Variants in FEM1B observed in about 807,000 individuals in gnomAD.
FEM1B encodes the protein protein fem-1 homolog B.
In FEM1B, 10 loss-of-function variants were observed where a neutral mutation model predicts 38.6. That is an observed-to-expected ratio of 0.26 (90% CI 0.16 to 0.44). FEM1B has a LOEUF of 0.44. Among genes scored for constraint, FEM1B ranks in the 20% least tolerant of loss-of-function variants. The pLI is 1.00. For synonymous variants in FEM1B, 288 were observed against 288.0 expected (o/e 1.00, Z 0.00); for missense variants, 471 against 786.7 (o/e 0.60, Z 4.80).
intron 1 of FEM1B, among the ~76,000 whole-genome samples, chr15:68,283,051 CTG>C (rs563037645): frequency 6.6e-6 from 1 of 152,016 alleles, no homozygotes. Flanking sequence ...TGTCAAATGA[CTG>C]TAGCTCAAGG....
intron 1 of FEM1B, among the ~76,000 whole-genome samples, chr15:68,287,577 G>T (rs1892803082): frequency 6.6e-6 from 1 of 152,168 alleles, no homozygotes; most frequent in Non-Finnish European, 1.5e-5. Context: ...GTTTTTTGTG[G>T]TGATGTTAAC....
At chr15:68,283,335 T>G (rs1892747910) in intron 1 of FEM1B, among the ~76,000 whole-genome samples, 1 of 151,952 alleles carries the variant, frequency 6.6e-6, no homozygotes, top group Admixed American at 6.6e-5. Flanking sequence ...TGAAGTAGTT[T>G]AGATTCCTGT....
At chr15:68,286,146 T>A (rs1035387548) in intron 1 of FEM1B, among the ~76,000 whole-genome samples, 1 of 152,024 alleles carries the variant, frequency 6.6e-6, no homozygotes, top group Non-Finnish European at 1.5e-5. Context: ...AAGACCATGT[T>A]TTCTACCTGA....
rs1319426756 is a variant in FEM1B at position 68,294,505 on chromosome 15, C to G, written c.*3263C>G. 6.6e-6 allele frequency: 1 copy of G among 152,064 alleles called. No individual in the cohort carries two copies. The highest frequency in any genetic ancestry group is 1.5e-5 in the Non-Finnish European group (1 of 68,008). The allele number at this position is 152,064 out of a possible 1,614,324, so 9.4% of individuals were successfully genotyped here. On this transcript the variant is annotated 3_prime_UTR_variant, in exon 2 of 2. Transcript: ENST00000306917. This position sits in a 1 kb window ranked among gnomAD's most constrained non-coding sequence, Gnocchi z 4.4. ...TTTGAAAATTAAAATTTCAAGTGAG[C>G]AACACCCTGTTAAGAGTTTTCACTA...
Position 68,288,410 on chromosome 15 carries a change from A to G in FEM1B, c.249-1197A>G, listed in dbSNP as rs557366042. ...GCCCTAGTGAATATTCCTTTGATCAACCTTTCTTCTTAACACTTCCAAATG... is the reference window on the plus strand; with the variant it reads ...GCCCTAGTGAATATTCCTTTGATCAGCCTTTCTTCTTAACACTTCCAAATG... On this transcript the variant is annotated intron_variant, in intron 1 of 1. Coordinates refer to ENST00000306917, the MANE Select transcript of FEM1B (RefSeq NM_015322.5). The surrounding 1 kb of genome is among the most constrained non-coding windows in gnomAD (Gnocchi z 4.6). 4.7e-4 allele frequency among the ~76,000 whole-genome samples: 71 copies of G among 152,246 alleles called. No individual in the cohort carries two copies. The South Asian group carries it at 6.8e-3, about 15-fold the overall frequency.
chr15:68,290,321 A>C lies in FEM1B; in HGVS notation c.963A>C (p.Arg321Ser), dbSNP rs1892833341. 1 of 1,614,146 alleles carries C rather than the reference A, an allele frequency of 6.2e-7. No homozygotes were observed. Among genetic ancestry groups the C allele is most frequent in the Non-Finnish European group, 8.5e-7 (1 of 1,180,004 alleles). Residue 321 changes from arginine to serine, a missense_variant, in exon 2 of 2, where the codon AGA (arginine) becomes AGC (serine). Physicochemically the swap from Arg to Ser is moderately radical, Grantham distance 110. This residue lies in a region of FEM1B where 380 missense variants were observed against 599.6 expected (regional missense o/e 0.63). Coordinates refer to ENST00000306917, the MANE Select transcript of FEM1B (RefSeq NM_015322.5). This position sits in a 1 kb window ranked among gnomAD's most constrained non-coding sequence, Gnocchi z 9.7. ...PQELESIRQD[R>S]DALHMEGLIV... is the part of the protein sequence containing the mutation. Reference sequence around the variant, plus strand: ...AACTGGAGTCCATTCGGCAAGACAGAGATGCTCTTCATATGGAAGGCCTTA... The same window carrying C: ...AACTGGAGTCCATTCGGCAAGACAGCGATGCTCTTCATATGGAAGGCCTTA...
In FEM1B at chr15:68,290,071, T is replaced by TA; in HGVS notation, c.714dup (p.Leu239ThrfsTer5). The TA allele has an allele frequency of 1.2e-6, 2 of 1,614,242 alleles. No individual in the cohort carries two copies. The highest frequency in any genetic ancestry group is 2.2e-5 in the East Asian group (1 of 44,888). ...TGTAAAGCTGATGTCGTAGAACTGT[T>TA]ACTCTCTCATGCTGATTGCGACCGA... On this transcript the variant is annotated frameshift_variant, in exon 2 of 2. Transcript: ENST00000306917. LOFTEE classifies it high-confidence loss of function. The surrounding 1 kb of genome is among the most constrained non-coding windows in gnomAD (Gnocchi z 9.7).
In FEM1B at chr15:68,288,831, G is replaced by A. The variant is rs747596297; in HGVS notation, c.249-776G>A. On this transcript the variant is annotated intron_variant, in intron 1 of 1. Coordinates refer to ENST00000306917, the MANE Select transcript of FEM1B (RefSeq NM_015322.5). This position sits in a 1 kb window ranked among gnomAD's most constrained non-coding sequence, Gnocchi z 4.6. The stretch of plus-strand genomic sequence containing the variant: ...AAATTGGAGCATAACGTAACTTAGA[G>A]AAAAATGCACTAATTATAAATATAT... Among the ~76,000 whole-genome samples the A allele has an allele frequency of 6.6e-6, 1 of 152,228 alleles. No homozygotes were observed. Among genetic ancestry groups the A allele is most frequent in the Admixed American group, 6.5e-5 (1 of 15,296 alleles).
rs1892886195 is a variant in FEM1B, at chr15:68,294,790, CTGTT to C, written c.*3550_*3553del. ...ATGTGTTGATGCACACATGACTATT[CTGTT>C]TTTCTCACTGACTATATAACATTAA... On this transcript the variant is annotated 3_prime_UTR_variant, in exon 2 of 2. Transcript: ENST00000306917. This position sits in a 1 kb window ranked among gnomAD's most constrained non-coding sequence, Gnocchi z 4.4. 6.6e-6 allele frequency: 1 copy of C among 151,930 alleles called. No homozygotes were observed. Among genetic ancestry groups the C allele is most frequent in the African/African-American group, 2.4e-5 (1 of 41,432 alleles). 9.4% of individuals were successfully genotyped at this position (151,930 alleles called of 1,614,324 possible).
In FEM1B at chr15:68,282,288, A is replaced by G. The variant is rs560595988; in HGVS notation, c.248+3623A>G. 6.6e-4 allele frequency among the ~76,000 whole-genome samples: 101 copies of G among 152,104 alleles called. 1 individual carries two copies. The highest frequency in any genetic ancestry group is 2.3e-3 in the African/African-American group (95 of 41,492). ...TTCTTTTAAAGTCAGTGCTAGTACT[A>G]ATACTTCTGATAAATGTTGAGGCGG... On this transcript the variant is annotated intron_variant, in intron 1 of 1. Coordinates refer to ENST00000306917, the MANE Select transcript of FEM1B (RefSeq NM_015322.5).
In FEM1B at chr15:68,284,217, A is replaced by G. The variant is rs1892759080; in HGVS notation, c.249-5390A>G. ...AAACTTTTTAGTTATTTATCTGCAT[A>G]ATAGTTAATATTATAACTATAATAT... On this transcript the variant is annotated intron_variant, in intron 1 of 1. Transcript: ENST00000306917. The surrounding 1 kb of genome is among the most constrained non-coding windows in gnomAD (Gnocchi z 4.4). Among the ~76,000 whole-genome samples the G allele has an allele frequency of 6.6e-6, 1 of 152,074 alleles. No individual in the cohort carries two copies. The highest frequency in any genetic ancestry group is 6.6e-5 in the Admixed American group (1 of 15,264).
chr15:68,293,971 A>C lies in FEM1B; in HGVS notation c.*2729A>C, dbSNP rs1038488582. 1 of 152,170 alleles carries C rather than the reference A, an allele frequency of 6.6e-6. No homozygotes were observed. The highest frequency in any genetic ancestry group is 2.4e-5 in the African/African-American group (1 of 41,440). The allele number at this position is 152,170 out of a possible 1,614,324, so 9.4% of individuals were successfully genotyped here. ...CTTCATTGATGGTATTACAGATTCA[A>C]CCAAAACTTCTCTGTCCTGTTCAGT... On this transcript the variant is annotated 3_prime_UTR_variant, in exon 2 of 2. Transcript: ENST00000306917. This position sits in a 1 kb window ranked among gnomAD's most constrained non-coding sequence, Gnocchi z 5.8.
intron 1 of FEM1B, among the ~76,000 whole-genome samples, chr15:68,285,230 C>T (rs948479392): frequency 2.6e-5 from 4 of 151,920 alleles, no homozygotes; most frequent in South Asian, 2.1e-4. Context: ...TGTGGTATTC[C>T]GTTGCATAAA....
chr15:68,286,739 AT>A (rs1287487286), intron 1 of FEM1B, among the ~76,000 whole-genome samples: 3 of 152,246 alleles, frequency 2.0e-5, no homozygotes, highest in Non-Finnish European at 4.4e-5. Context: ...TGCAAGTGTT[AT>A]TTTTTGACAA....
Position 68,278,262 on chromosome 15 carries a change from C to T in FEM1B, c.-156C>T. ...GGCCTCCTCTGCGTCTCCGCCTTCC[C>T]TGGGCCGCACTGCTGCCTGGGCGCG... On this transcript the variant is annotated 5_prime_UTR_variant, in exon 1 of 2. Coordinates refer to ENST00000306917, the MANE Select transcript of FEM1B (RefSeq NM_015322.5). The surrounding 1 kb of genome is among the most constrained non-coding windows in gnomAD (Gnocchi z 5.7). 2.0e-6 allele frequency: 2 copies of T among 997,874 alleles called. No individual in the cohort carries two copies. Among genetic ancestry groups the T allele is most frequent in the Non-Finnish European group, 2.9e-6 (2 of 699,546 alleles). The allele number at this position is 997,874 out of a possible 1,614,324, so 61.8% of individuals were successfully genotyped here. A position where few individuals can be genotyped will look rare whatever the true frequency, so the allele number is the denominator to read the frequency against.
chr15:68,291,851 T>A lies in FEM1B; in HGVS notation c.*609T>A. The A allele has an allele frequency of 2.0e-5, 3 of 152,388 alleles. No individual in the cohort carries two copies. The highest frequency in any genetic ancestry group is 7.2e-5 in the African/African-American group (3 of 41,584). The allele number at this position is 152,388 out of a possible 1,614,324, so 9.4% of individuals were successfully genotyped here. On this transcript the variant is annotated 3_prime_UTR_variant, in exon 2 of 2. Transcript: ENST00000306917. This position sits in a 1 kb window ranked among gnomAD's most constrained non-coding sequence, Gnocchi z 6.9. ...TAATAATAGTTACAAATTTATAAATTTAAATCCATTTGAAATTGTTGCATT... is the reference window on the plus strand; with the variant it reads ...TAATAATAGTTACAAATTTATAAATATAAATCCATTTGAAATTGTTGCATT...
rs1239930688 is a variant in FEM1B at position 68,291,436 on chromosome 15, C to T, written c.*194C>T. 5.6e-6 allele frequency: 3 copies of T among 531,192 alleles called. No homozygotes were observed. Among genetic ancestry groups the T allele is most frequent in the Non-Finnish European group, 9.9e-6 (3 of 304,468 alleles). The allele number at this position is 531,192 out of a possible 1,614,324, so 32.9% of individuals were successfully genotyped here. ...TTTCAGACAGACTTTAACAAAACCA[C>T]ATTGTTTTGGTGTAACTATAAGGTA... On this transcript the variant is annotated 3_prime_UTR_variant, in exon 2 of 2. Transcript: ENST00000306917. The surrounding 1 kb of genome is among the most constrained non-coding windows in gnomAD (Gnocchi z 6.9).
intron 1 of FEM1B, among the ~76,000 whole-genome samples, chr15:68,282,337 A>G (rs1186419760): frequency 6.6e-6 from 1 of 152,232 alleles, no homozygotes; most frequent in Non-Finnish European, 1.5e-5. Flanking sequence ...GGGGCATGCC[A>G]GTATTTGACT....
rs1892879225 is a variant in FEM1B at position 68,294,239 on chromosome 15, A to G, written c.*2997A>G. On this transcript the variant is annotated 3_prime_UTR_variant, in exon 2 of 2. Coordinates refer to ENST00000306917, the MANE Select transcript of FEM1B (RefSeq NM_015322.5). The surrounding 1 kb of genome is among the most constrained non-coding windows in gnomAD (Gnocchi z 4.4). ...TTTTTCAGTCCACCCTGGTTGCTCT[A>G]GTAGCCCACAGCCCAATCACGTTAA... 6.6e-6 allele frequency: 1 copy of G among 152,194 alleles called. No homozygotes were observed. Among genetic ancestry groups the G allele is most frequent in the African/African-American group, 2.4e-5 (1 of 41,454 alleles). The allele number at this position is 152,194 out of a possible 1,614,324, so 9.4% of individuals were successfully genotyped here.
Sources: gnomAD v4.1 joint callset for allele counts (sites outside exome capture counted in the v4.1 genomes callset) on GRCh38, gnomAD v4.1.1 for gene constraint, gnomAD v4.1.1 regional missense constraint, Gnocchi (gnomAD v3.1) non-coding constraint, MANE v1.5 for transcripts, NCBI Gene and HGNC (gene_info 2026-07-23, HGNC 2026-07-21) for gene names.